DYNC2H1: variants seen among roughly 807,000 people sequenced by gnomAD.
DYNC2H1 encodes cytoplasmic dynein 2 heavy chain 1.
Under a neutral mutation model 570.0 loss-of-function variants are expected in DYNC2H1, and 410 were observed. That is an observed-to-expected ratio of 0.72 (90% CI 0.66 to 0.78). DYNC2H1 has a LOEUF of 0.78. Ranked by LOEUF, DYNC2H1 falls within the 30% of genes least tolerant of loss-of-function variation. The probability of loss-of-function intolerance (pLI) is 0.00; values close to 1 mark genes in which losing one functional copy is unlikely to be tolerated. For missense variants in DYNC2H1, 4,865 were observed against 5,046.4 expected, an observed-to-expected ratio of 0.96 and a Z score of 1.09; for synonymous variants, 1,688 against 1,677.6, an observed-to-expected ratio of 1.01 and a Z score of -0.15.
intron 85 of DYNC2H1, among the ~76,000 whole-genome samples, chr11:103,450,947 G>T (rs1353857511): frequency 6.6e-6 from 1 of 152,042 alleles, no homozygotes; most frequent in East Asian, 1.9e-4. Context: ...ATACATTTTT[G>T]CATTCTGATA....
At chr11:103,125,716 A>C (rs1227468920) in intron 12 of DYNC2H1, among the ~76,000 whole-genome samples, 1 of 152,144 alleles carries the variant, frequency 6.6e-6, no homozygotes, top group Non-Finnish European at 1.5e-5. Context: ...ACTTGTCTAA[A>C]AATCAACTAT....
chr11:103,225,249 A>T (rs1397380432), intron 59 of DYNC2H1, among the ~76,000 whole-genome samples: 2 of 152,096 alleles, frequency 1.3e-5, no homozygotes, highest in Non-Finnish European at 2.9e-5. Flanking sequence ...GAAGGATTTT[A>T]GTTTAATTAA....
At chr11:103,411,384 T>C (rs11225780) in intron 84 of DYNC2H1, among the ~76,000 whole-genome samples, 2 of 151,972 alleles carry the variant, frequency 1.3e-5, no homozygotes, top group Non-Finnish European at 1.5e-5. Flanking sequence ...AAATGGAGGC[T>C]TTGTTTAGTA....
chr11:103,236,513 A>G lies in DYNC2H1; in HGVS notation c.9793A>G (p.Ile3265Val), dbSNP rs762547701. ...AGGCCTACCATCAGATGACCTTTCC[A>G]TAGAAAATGCTCTTGTAATATTACA... is the stretch of plus-strand genomic sequence containing the variant. ...SEGLPSDDLS[I>V]ENALVILQSR... The change falls in exon 63 of 89, where the codon ATA becomes GTA. Residue 3265 changes from isoleucine to valine, a missense_variant. Physicochemically the swap from Ile to Val is conservative, Grantham distance 29 (BLOSUM62 3). Transcript: ENST00000375735. The G allele has an allele frequency of 4.4e-6, 7 of 1,600,726 alleles. No individual in the cohort carries two copies. The highest frequency in any genetic ancestry group is 6.0e-6 in the Non-Finnish European group (7 of 1,169,998).
chr11:103,367,802 T>C (rs975690107), intron 83 of DYNC2H1, among the ~76,000 whole-genome samples: 6 of 152,196 alleles, frequency 3.9e-5, no homozygotes, highest in African/African-American at 1.2e-4. Flanking sequence ...ACCGCTGTTC[T>C]ACTCTCTGCT....
intron 87 of DYNC2H1, among the ~76,000 whole-genome samples, chr11:103,463,676 A>T (rs1168575120): frequency 6.6e-6 from 1 of 152,206 alleles, no homozygotes; most frequent in Non-Finnish European, 1.5e-5. Flanking sequence ...ACCTGAGTCC[A>T]GGAGATCAAG....
At chr11:103,257,425 A>C (rs1384994567) in intron 68 of DYNC2H1, among the ~76,000 whole-genome samples, 183 bp from the exon 69 acceptor site, 1 of 152,232 alleles carries the variant, frequency 6.6e-6, no homozygotes, top group Non-Finnish European at 1.5e-5. Flanking sequence ...AAGAAAAACT[A>C]GATTTTGCTA....
intron 59 of DYNC2H1, among the ~76,000 whole-genome samples, chr11:103,224,074 T>C (rs909605130): frequency 1.3e-5 from 2 of 152,178 alleles, no homozygotes; most frequent in African/African-American, 4.8e-5. Context: ...TATTTGTTTT[T>C]ACCTTCTAAG....
At position 103,170,630 on chromosome 11, in the gene DYNC2H1, C is replaced by G. The variant is rs963754729; in HGVS notation, c.5152-256C>G. Among the ~76,000 whole-genome samples, 1 of 152,094 alleles carries G rather than the reference C, an allele frequency of 6.6e-6. No homozygotes were observed. The highest frequency in any genetic ancestry group is 1.5e-5 in the Non-Finnish European group (1 of 68,006). On this transcript the variant is annotated intron_variant, in intron 33 of 88. Coordinates refer to ENST00000375735, the MANE Select transcript of DYNC2H1 (RefSeq NM_001377.3). This position sits in a 1 kb window ranked among gnomAD's most constrained non-coding sequence, Gnocchi z 4.8. ...ATTTTGTATGTAATTTGTATTTTGA[C>G]TTAAAGAGTAACTAACACAAATCTT...
intron 85 of DYNC2H1, among the ~76,000 whole-genome samples, chr11:103,451,473 C>A (rs1456089703): frequency 1.3e-5 from 2 of 151,910 alleles, no homozygotes; most frequent in African/African-American, 4.8e-5. Flanking sequence ...GCTGGGGCTA[C>A]AGGCGCGTGC....
At position 103,323,955 on chromosome 11, in the gene DYNC2H1, A is replaced by G. The variant is rs1938340226; in HGVS notation, c.12004A>G (p.Ile4002Val). 6.2e-7 allele frequency: 1 copy of G among 1,612,926 alleles called. No individual in the cohort carries two copies. Among genetic ancestry groups the G allele is most frequent in the Non-Finnish European group, 8.5e-7 (1 of 1,179,268 alleles). Residue 4002 changes from isoleucine (I) to valine (V), a missense_variant, in exon 82 of 89, where the codon ATC becomes GTC. By Grantham distance (29) the Ile-to-Val change is conservative. Around this residue, in one of 5 missense-constraint regions of DYNC2H1, gnomAD observed 2,401 missense variants for 2,454.6 expected, o/e 0.98. Coordinates refer to ENST00000375735, the MANE Select transcript of DYNC2H1 (RefSeq NM_001377.3). ...KPSFFGLPAN[I>V]ARSSQRMISS... Reference sequence around the variant, plus strand: ...TAGTTTCTTTGGTCTGCCTGCCAATATCGCTCGCTCATCTCAGCGCATGAT... The same window carrying G: ...TAGTTTCTTTGGTCTGCCTGCCAATGTCGCTCGCTCATCTCAGCGCATGAT...
chr11:103,400,828 G>A (rs78216723), intron 84 of DYNC2H1, among the ~76,000 whole-genome samples: 2,421 of 152,160 alleles, frequency 0.016, 68 homozygotes, highest in African/African-American at 0.055. Flanking sequence ...ATACAGAAAG[G>A]TCTACTCTGG....
At chr11:103,340,613 T>C (rs1051585496) in intron 82 of DYNC2H1, among the ~76,000 whole-genome samples, 5 of 152,242 alleles carry the variant, frequency 3.3e-5, no homozygotes, top group Non-Finnish European at 7.3e-5. Context: ...TCACATTTTA[T>C]GGTAAATATT....
chr11:103,242,320 C>T (rs1864453512), intron 63 of DYNC2H1, among the ~76,000 whole-genome samples: 1 of 152,044 alleles, frequency 6.6e-6, no homozygotes, highest in Non-Finnish European at 1.5e-5. Flanking sequence ...ACAACTATAA[C>T]AGTATACTGT....
Position 103,369,879 on chromosome 11 carries a change from C to G in DYNC2H1, c.12156+11520C>G, listed in dbSNP as rs1396337575. 6.6e-6 allele frequency among the ~76,000 whole-genome samples: 1 copy of G among 152,224 alleles called. No homozygotes were observed. The highest frequency in any genetic ancestry group is 1.5e-5 in the Non-Finnish European group (1 of 68,042). On this transcript the variant is annotated intron_variant, in intron 83 of 88. Transcript: ENST00000375735. This position sits in a 1 kb window ranked among gnomAD's most constrained non-coding sequence, Gnocchi z 4.0. ...AGGCTTACTGGCTTCAGGTGAGACT[C>G]AGCACATTCCCAGCTGTGGTGGTTG...
chr11:103,477,664 T>C (rs1158977185), intron 88 of DYNC2H1, among the ~76,000 whole-genome samples: 1 of 151,584 alleles, frequency 6.6e-6, no homozygotes, highest in East Asian at 1.9e-4. Flanking sequence ...ACCCTGTCTC[T>C]ACTAAAAATA....
At position 103,191,604 on chromosome 11, in the gene DYNC2H1, T is replaced by C. The variant is rs1386343205; in HGVS notation, c.7525T>C (p.Tyr2509His). 2 of 1,606,964 alleles carry C rather than the reference T, an allele frequency of 1.2e-6. No homozygotes were observed. The highest frequency in any genetic ancestry group is 1.7e-6 in the Non-Finnish European group (2 of 1,176,246). Residue 2509 changes from tyrosine (Y) to histidine (H), a missense_variant, in exon 46 of 89, where the codon TAT becomes CAT. Coordinates refer to ENST00000375735, the MANE Select transcript of DYNC2H1 (RefSeq NM_001377.3). The stretch of plus-strand genomic sequence containing the variant: ...CCAATGGGTTCTTGGCTTATTTAGA[T>C]ATGATTTAGAAGGAGGTGAGTTTTG... The part of the protein sequence containing the change: ...LTQWVLGLFR[Y>H]DLEGGSSNHP...
chr11:103,240,249 G>A (rs147158633), intron 63 of DYNC2H1, among the ~76,000 whole-genome samples: 1 of 152,166 alleles, frequency 6.6e-6, no homozygotes, highest in African/African-American at 2.4e-5. Flanking sequence ...GTGACTCCAT[G>A]TTTACCATTA....
intron 45 of DYNC2H1, among the ~76,000 whole-genome samples, chr11:103,190,402 A>G (rs1273508815): frequency 1.3e-5 from 2 of 152,210 alleles, no homozygotes; most frequent in Non-Finnish European, 2.9e-5. Flanking sequence ...CTATTAATGC[A>G]GTGTAATAAA....
Sources: gnomAD v4.1 joint callset for allele counts (sites outside exome capture counted in the v4.1 genomes callset) on GRCh38, gnomAD v4.1.1 for gene constraint, gnomAD v4.1.1 regional missense constraint, Gnocchi (gnomAD v3.1) non-coding constraint, MANE v1.5 for transcripts, NCBI Gene and HGNC (gene_info 2026-07-23, HGNC 2026-07-21) for gene names.